Variants in MACF1 observed in about 807,000 individuals in gnomAD.
The protein encoded by MACF1 is microtubule-actin cross-linking factor 1.
Under a neutral mutation model 854.8 loss-of-function variants are expected in MACF1, and 193 were observed. The observed-to-expected ratio is 0.23, with a 90% CI of 0.20 to 0.25. The LOEUF is 0.25. MACF1 is among the 10% of genes least tolerant of loss of function. MACF1 has a pLI of 1.00. For missense variants in MACF1, 7,722 were observed against 8,929.1 expected (o/e 0.86, Z 5.45); for synonymous variants, 3,185 against 3,226.7 (o/e 0.99, Z 0.44).
intron 2 of MACF1, among the ~76,000 whole-genome samples, chr1:39,130,460 C>T (rs1334365679): frequency 6.6e-6 from 1 of 152,182 alleles, no homozygotes; most frequent in Non-Finnish European, 1.5e-5. Context: ...ACTCCTTTCT[C>T]TGTTTTCAGA....
intron 7 of MACF1, 102 bp downstream of exon 7, chr1:39,282,476 C>A: frequency 8.0e-7 from 1 of 1,256,568 alleles, no homozygotes; most frequent in Non-Finnish European, 1.1e-6. Flanking sequence ...AAAATCAAAG[C>A]TTTGATTCAT....
At chr1:39,166,433 TATTTATTTATTTATTTATTC>T (rs2148215248) in intron 2 of MACF1, among the ~76,000 whole-genome samples, 1 of 150,128 alleles carries the variant, frequency 6.7e-6, no homozygotes, top group East Asian at 2.0e-4. Flanking sequence ...TTTATTTATT[TATTTATTTATTTATTTATTC>T]ATTCATTCAT....
intron 1 of MACF1, among the ~76,000 whole-genome samples, chr1:39,226,835 A>T (rs981336740): frequency 3.9e-5 from 6 of 151,978 alleles, no homozygotes; most frequent in African/African-American, 1.5e-4. Flanking sequence ...TAGCTTTTAT[A>T]AAAAAAAGAA....
chr1:39,160,935 T>C (rs1643785925), intron 2 of MACF1, among the ~76,000 whole-genome samples: 1 of 152,236 alleles, frequency 6.6e-6, no homozygotes, highest in Non-Finnish European at 1.5e-5. Context: ...ATTTAGTTAC[T>C]GACTGTTGCT....
chr1:39,232,532 G>A (rs1386608810), intron 2 of MACF1, among the ~76,000 whole-genome samples: 5 of 152,010 alleles, frequency 3.3e-5, no homozygotes, highest in Admixed American at 1.3e-4. Flanking sequence ...GTGTTCCCCA[G>A]GATCCTAACC....
At chr1:39,386,495 G>A (rs1371446713) in intron 57 of MACF1, among the ~76,000 whole-genome samples, 3 of 150,998 alleles carry the variant, frequency 2.0e-5, no homozygotes, top group Non-Finnish European at 4.4e-5. Context: ...GCAGTGGCAC[G>A]ATCTTGGATC....
At chr1:39,477,077 A>ATACACTTAGTGTG (rs1557675035) in intron 97 of MACF1, among the ~76,000 whole-genome samples, 13 of 19,224 alleles carry the variant, frequency 6.8e-4, no homozygotes, top group South Asian at 2.2e-3. Context: ...ATATATATAT[A>ATACACTTAGTGTG]TATATATATA....
At chr1:39,414,631 G>T (rs1643215982) in intron 58 of MACF1, 11 of 1,195,942 alleles carry the variant, frequency 9.2e-6, no homozygotes, top group South Asian at 1.8e-5. Flanking sequence ...CAGTTTTTGG[G>T]GAAAATATAC....
chr1:39,481,060 C>A (rs929222842), intron 99 of MACF1, 30 bp downstream of exon 99: 143 of 1,413,304 alleles, frequency 1.0e-4, no homozygotes, highest in Non-Finnish European at 1.3e-4. Context: ...ACTGAGGACA[C>A]AGTCAAGACG....
chr1:39,179,858 T>C (rs1485799962), intron 2 of MACF1, among the ~76,000 whole-genome samples: 3 of 151,722 alleles, frequency 2.0e-5, no homozygotes, highest in African/African-American at 7.3e-5. Flanking sequence ...CTACTAAAAA[T>C]ACAAAAATTA....
intron 2 of MACF1, among the ~76,000 whole-genome samples, chr1:39,131,041 G>A (rs1331319646): frequency 4.0e-5 from 6 of 151,530 alleles, no homozygotes; most frequent in African/African-American, 1.2e-4. Flanking sequence ...CAGTAGAAAC[G>A]GGGTTTCACC....
intron 5 of MACF1, among the ~76,000 whole-genome samples, chr1:39,256,016 G>A (rs901381780): frequency 6.6e-6 from 1 of 152,212 alleles, no homozygotes; most frequent in African/African-American, 2.4e-5. Flanking sequence ...AGTCCAAGAT[G>A]TAGCTGTGCA....
At chr1:39,150,732 T>TA (rs1643562331) in intron 2 of MACF1, among the ~76,000 whole-genome samples, 1 of 152,228 alleles carries the variant, frequency 6.6e-6, no homozygotes, top group African/African-American at 2.4e-5. Flanking sequence ...GCTCTGATCT[T>TA]ACTTGACCTT....
chr1:39,193,375 C>G (rs989285518), intron 2 of MACF1, among the ~76,000 whole-genome samples: 2 of 152,056 alleles, frequency 1.3e-5, no homozygotes, highest in African/African-American at 4.8e-5. Flanking sequence ...TTGTCCTTTC[C>G]CTTTTTGAAG....
chr1:39,448,589 CAT>C lies in MACF1; in HGVS notation c.20089-3_20089-2del, dbSNP rs758798293. The C allele has an allele frequency of 1.6e-5, 24 of 1,504,540 alleles. No individual in the cohort carries two copies. The highest frequency in any genetic ancestry group is 1.9e-5 in the Non-Finnish European group (21 of 1,122,738). 93.2% of individuals were successfully genotyped at this position (1,504,540 alleles called of 1,614,324 possible). On this transcript the variant is annotated splice_region_variant and splice_polypyrimidine_tract_variant and intron_variant, in intron 83 of 100. Transcript: ENST00000564288. ...CACTTTTTTCTTTTCTTTCTGGAAACATAGGAGTTTCAGAAGACTCTTGGTGG... is the reference window on the plus strand; with the variant it reads ...CACTTTTTTCTTTTCTTTCTGGAAACAGGAGTTTCAGAAGACTCTTGGTGG...
At chr1:39,253,030 T>C (rs1645059022) in intron 4 of MACF1, among the ~76,000 whole-genome samples, 1 of 152,232 alleles carries the variant, frequency 6.6e-6, no homozygotes, top group South Asian at 2.1e-4. Context: ...AATTTGACAC[T>C]TACAAAAGAA....
chr1:39,249,542 A>G (rs1226435995), intron 2 of MACF1, among the ~76,000 whole-genome samples: 1 of 152,172 alleles, frequency 6.6e-6, no homozygotes, highest in East Asian at 1.9e-4. Context: ...TCGCTATTAG[A>G]AATATTTGGT....
chr1:39,343,112 A>G (rs1646972193), intron 40 of MACF1, among the ~76,000 whole-genome samples: 1 of 152,220 alleles, frequency 6.6e-6, no homozygotes, highest in Non-Finnish European at 1.5e-5. Flanking sequence ...AGAAAAGACC[A>G]TGAGACACAT....
rs72661966 is a variant in MACF1, at chr1:39,387,318, T to C, written c.14476T>C (p.Leu4826=). The change falls in exon 58 of 101, where the codon TTG becomes CTG. Residue 4826 remains leucine (L), a synonymous_variant. Coordinates refer to ENST00000564288, the MANE Select transcript of MACF1 (RefSeq NM_001394062.1). ...QAKNCPISAK[L]ERLQSQLQEN... ...AAAAAACTGCCCAATTTCTGCAAAA[T>C]TGGAGCGGCTACAGTCTCAGCTACA... is the stretch of plus-strand genomic sequence containing the variant. The C allele has an allele frequency of 1.5e-3, 2,350 of 1,614,100 alleles. 14 individuals are homozygous for C. The highest frequency in any genetic ancestry group is 7.9e-3 in the Middle Eastern group (48 of 6,062).
Sources: gnomAD v4.1 joint callset for allele counts (sites outside exome capture counted in the v4.1 genomes callset) on GRCh38, gnomAD v4.1.1 for gene constraint, MANE v1.5 for transcripts, NCBI Gene and HGNC (gene_info 2026-07-23, HGNC 2026-07-21) for gene names.